Variants in AIG1 observed in about 807,000 individuals in gnomAD.
AIG1 encodes the protein androgen-induced gene 1 protein.
Under a neutral mutation model 31.4 loss-of-function variants are expected in AIG1, and 23 were observed. The observed-to-expected ratio is 0.73, with a 90% confidence interval of 0.53 to 1.04. The LOEUF (loss-of-function observed/expected upper bound fraction) is 1.04. AIG1 is among the 50% of genes least tolerant of loss of function. The probability of loss-of-function intolerance (pLI) is 0.00; values close to 1 mark genes in which losing one functional copy is unlikely to be tolerated. For synonymous variants in AIG1, 100 were observed against 110.5 expected (o/e 0.90, Z 0.60); for missense variants, 274 against 295.0 (o/e 0.93, Z 0.52).
chr6:143,124,964 G>A (rs879366563), intron 1 of AIG1, among the ~76,000 whole-genome samples: 1 of 152,108 alleles, frequency 6.6e-6, no homozygotes, highest in African/African-American at 2.4e-5. Context: ...AACCATATCA[G>A]GTCTGAAGCC....
At chr6:143,148,479 AG>A (rs564304821) in intron 2 of AIG1, among the ~76,000 whole-genome samples, 42 of 152,224 alleles carry the variant, frequency 2.8e-4, no homozygotes, top group African/African-American at 1.0e-3. Flanking sequence ...ACTGCACTCC[AG>A]GCTGGGCGAT....
In AIG1 at chr6:143,298,188, G is replaced by C. The variant is rs1025651949; in HGVS notation, c.515+13963G>C. ...ACAATTCATTCATAAATTCTTGCCA[G>C]CCTCTGGAGAAATCCAGGAATTGTC... On this transcript the variant is annotated intron_variant, in intron 4 of 5. Coordinates refer to ENST00000357847, the MANE Select transcript of AIG1 (RefSeq NM_016108.4). This position sits in a 1 kb window ranked among gnomAD's most constrained non-coding sequence, Gnocchi z 5.1. Among the ~76,000 whole-genome samples, 6 of 152,122 alleles carry C rather than the reference G, an allele frequency of 3.9e-5. No individual in the cohort carries two copies. The highest frequency in any genetic ancestry group is 1.4e-4 in the African/African-American group (6 of 41,414).
In AIG1 at chr6:143,325,088, T is replaced by A. The variant is rs1776498786; in HGVS notation, c.516-8194T>A. ...TGAAAATGCTTTCCCTTCCACTTTA[T>A]TGGTGGCAAACCAGTTTTCTAATAA... On this transcript the variant is annotated intron_variant, in intron 4 of 5. Coordinates refer to ENST00000357847, the MANE Select transcript of AIG1 (RefSeq NM_016108.4). The surrounding 1 kb of genome is among the most constrained non-coding windows in gnomAD (Gnocchi z 4.3). Among the ~76,000 whole-genome samples, 1 of 152,230 alleles carries A rather than the reference T, an allele frequency of 6.6e-6. No homozygotes were observed. Among genetic ancestry groups the A allele is most frequent in the Non-Finnish European group, 1.5e-5 (1 of 68,048 alleles).
chr6:143,288,492 G>T lies in AIG1; in HGVS notation c.515+4267G>T, dbSNP rs1039488876. On this transcript the variant is annotated intron_variant, in intron 4 of 5. Transcript: ENST00000357847. The surrounding 1 kb of genome is among the most constrained non-coding windows in gnomAD (Gnocchi z 4.4). ...TATGGATAAATATTCCTTGTCAACT[G>T]CTGTGAGTGTATTTAAAGCAAAATA... Among the ~76,000 whole-genome samples, 1 of 152,176 alleles carries T rather than the reference G, an allele frequency of 6.6e-6. No individual in the cohort carries two copies. The highest frequency in any genetic ancestry group is 1.5e-5 in the Non-Finnish European group (1 of 68,038).
chr6:143,118,517 A>G (rs1781940393), intron 1 of AIG1, among the ~76,000 whole-genome samples: 1 of 152,088 alleles, frequency 6.6e-6, no homozygotes, highest in African/African-American at 2.4e-5. Context: ...TGCTTTCAAC[A>G]TTAAGGTAAA....
intron 1 of AIG1, among the ~76,000 whole-genome samples, chr6:143,117,309 A>C (rs1781822679): frequency 6.6e-6 from 1 of 152,104 alleles, no homozygotes. Context: ...ATAAGATAGG[A>C]AGCCTTTGAA....
Position 143,293,735 on chromosome 6 carries a change from C to T in AIG1, c.515+9510C>T, listed in dbSNP as rs1284969500. On this transcript the variant is annotated intron_variant, in intron 4 of 5. Transcript: ENST00000357847. This position sits in a 1 kb window ranked among gnomAD's most constrained non-coding sequence, Gnocchi z 4.8. ...ATTCCCCATGTGCTATTAACCTTGC[C>T]CCACCCTGAAGTCATGTTTTATGTG... Among the ~76,000 whole-genome samples the T allele has an allele frequency of 6.6e-6, 1 of 152,134 alleles. No individual in the cohort carries two copies. The highest frequency in any genetic ancestry group is 2.4e-5 in the African/African-American group (1 of 41,420).
chr6:143,293,216 C>T lies in AIG1; in HGVS notation c.515+8991C>T, dbSNP rs180770075. On this transcript the variant is annotated intron_variant, in intron 4 of 5. Coordinates refer to ENST00000357847, the MANE Select transcript of AIG1 (RefSeq NM_016108.4). This position sits in a 1 kb window ranked among gnomAD's most constrained non-coding sequence, Gnocchi z 4.8. ...TCTTTTTTTCTCTCTCTCTCTTCCC[C>T]GCCACCCTTATTTTATTTTCATTTT... is the stretch of plus-strand genomic sequence containing the variant. Among the ~76,000 whole-genome samples the T allele has an allele frequency of 3.4e-4, 51 of 152,200 alleles. No homozygotes were observed. Among genetic ancestry groups the T allele is most frequent in the Admixed American group, 1.6e-3 (24 of 15,282 alleles).
intron 3 of AIG1, among the ~76,000 whole-genome samples, chr6:143,283,175 A>G (rs979334238): frequency 6.6e-6 from 1 of 152,256 alleles, no homozygotes; most frequent in African/African-American, 2.4e-5. Context: ...GAAAGGTTTA[A>G]GAATTTTAGT....
At chr6:143,245,805 A>G (rs1794579153) in intron 3 of AIG1, among the ~76,000 whole-genome samples, 1 of 152,180 alleles carries the variant, frequency 6.6e-6, no homozygotes, top group Admixed American at 6.5e-5. Flanking sequence ...TAGTTGGTGA[A>G]TTCCTTCAGC....
chr6:143,170,430 T>TGCTGTACCCCGGA (rs1787386178), intron 3 of AIG1, among the ~76,000 whole-genome samples: 1 of 152,026 alleles, frequency 6.6e-6, no homozygotes. Flanking sequence ...TGCAGTCAAG[T>TGCTGTACCCCGGA]GCTGTACCCC....
At chr6:143,167,965 T>G (rs533718501) in intron 3 of AIG1, among the ~76,000 whole-genome samples, 7 of 152,268 alleles carry the variant, frequency 4.6e-5, no homozygotes, top group Admixed American at 3.3e-4. Context: ...TTTACATTAC[T>G]TGAATTCTGT....
intron 3 of AIG1, among the ~76,000 whole-genome samples, chr6:143,249,290 C>T (rs73594133): frequency 0.012 from 1,810 of 152,258 alleles, 26 homozygotes; most frequent in African/African-American, 0.041. Flanking sequence ...AACATAGTGA[C>T]GGAATGATCA....
intron 2 of AIG1, among the ~76,000 whole-genome samples, chr6:143,157,625 A>C (rs977647975): frequency 6.6e-6 from 1 of 152,096 alleles, no homozygotes; most frequent in African/African-American, 2.4e-5. Flanking sequence ...TGTCTTCACC[A>C]AAGGCAATTT....
rs76141696 is a variant in AIG1 at position 143,294,679 on chromosome 6, T to G, written c.515+10454T>G. ...CTGATGTCACCAGTGACTTCTCCTTTGCTGAATTTATGGAATGCTCTGTAG... is the reference window on the plus strand; with the variant it reads ...CTGATGTCACCAGTGACTTCTCCTTGGCTGAATTTATGGAATGCTCTGTAG... On this transcript the variant is annotated intron_variant, in intron 4 of 5. Coordinates refer to ENST00000357847, the MANE Select transcript of AIG1 (RefSeq NM_016108.4). Among the ~76,000 whole-genome samples, 1,182 of 152,362 alleles carry G rather than the reference T, an allele frequency of 7.8e-3. 11 individuals carry two copies. Among genetic ancestry groups the G allele is most frequent in the African/African-American group, 0.027 (1,122 of 41,588 alleles).
chr6:143,230,512 C>CT (rs921874547), intron 3 of AIG1, among the ~76,000 whole-genome samples: 4 of 149,514 alleles, frequency 2.7e-5, no homozygotes, highest in Non-Finnish European at 4.4e-5. Context: ...TTTTTACACT[C>CT]TTTTTTCTTT....
chr6:143,250,650 A>T (rs1794944810), intron 3 of AIG1, among the ~76,000 whole-genome samples: 1 of 152,130 alleles, frequency 6.6e-6, no homozygotes, highest in African/African-American at 2.4e-5. Flanking sequence ...CAGAGGCAGG[A>T]TGACCACAGA....
intron 2 of AIG1, among the ~76,000 whole-genome samples, chr6:143,159,314 G>A (rs1056073958): frequency 2.6e-5 from 4 of 152,234 alleles, no homozygotes; most frequent in African/African-American, 9.6e-5. Flanking sequence ...AATCATGTAG[G>A]CATTTGTAGG....
At chr6:143,073,586 T>G (rs1777481265) in intron 1 of AIG1, among the ~76,000 whole-genome samples, 1 of 152,332 alleles carries the variant, frequency 6.6e-6, no homozygotes, top group East Asian at 1.9e-4. Flanking sequence ...GGGTGTGAGA[T>G]GGTATCTCAT....
Sources: allele counts gnomAD v4.1 joint callset (sites outside exome capture counted in the v4.1 genomes callset), GRCh38; gene constraint gnomAD v4.1.1; non-coding constraint Gnocchi (gnomAD v3.1); transcripts MANE v1.5; gene names NCBI Gene and HGNC (gene_info 2026-07-23, HGNC 2026-07-21).